The following TAAR5 variants were observed in gnomAD, a reference collection of about 807,000 sequenced individuals.
TAAR5 encodes the protein trace amine-associated receptor 5.
In TAAR5, 27 loss-of-function variants were observed where a neutral mutation model predicts 21.1. The ratio of observed to expected loss-of-function variants is 1.28; its 90% CI spans 0.94 to 1.76. The LOEUF (loss-of-function observed/expected upper bound fraction) is 1.76, where lower values mean the gene tolerates loss of function less well. Ranked by LOEUF, TAAR5 falls within the 40% of genes most tolerant of loss-of-function variation. The probability of loss-of-function intolerance (pLI) is 0.00; values close to 1 mark genes in which losing one functional copy is unlikely to be tolerated. For missense variants in TAAR5, 495 were observed against 405.6 expected (o/e 1.22, Z -1.89); for synonymous variants, 203 against 167.5 (o/e 1.21, Z -1.64).
At chr6:132,609,941 T>C in the TAAR5 span, among the ~76,000 whole-genome samples, 1 of 151,840 alleles carries the variant, frequency 6.6e-6, no homozygotes, top group Admixed American at 6.6e-5. Flanking sequence ...TCTCTTCCTG[T>C]CCTTCCCTCT....
chr6:132,608,241 T>C, the TAAR5 span: 1 of 413,448 alleles, frequency 2.4e-6, no homozygotes, highest in East Asian at 7.0e-5. Flanking sequence ...TTGCAACAGC[T>C]TTTTATTAAT....
At chr6:132,601,383 CCAGAATGCAGATAGCTAGAGGA>C in the TAAR5 span, among the ~76,000 whole-genome samples, 1 of 152,180 alleles carries the variant, frequency 6.6e-6, no homozygotes, top group Non-Finnish European at 1.5e-5. Context: ...TTTTCTCCCA[CCAGAATGCAGATAGCTAGAGGA>C]CAGGGTTTAA....
At chr6:132,609,170 G>A in the TAAR5 span, 4 of 372,154 alleles carry the variant, frequency 1.1e-5, no homozygotes, top group South Asian at 2.0e-5. Context: ...AGTCATAACC[G>A]AATACATTAT....
At chr6:132,608,908 G>A in the TAAR5 span, 1 of 455,972 alleles carries the variant, frequency 2.2e-6, no homozygotes, top group Non-Finnish European at 4.4e-6. Flanking sequence ...AATAGCAATG[G>A]AACAGAGGTG....
At chr6:132,603,488 T>TTC in the TAAR5 span, among the ~76,000 whole-genome samples, 3 of 121,934 alleles carry the variant, frequency 2.5e-5, no homozygotes, top group African/African-American at 7.2e-5. Context: ...TTAGCACATT[T>TTC]TCTCTCAAAA....
At position 132,589,385 on chromosome 6, in the gene TAAR5, A is replaced by C; in HGVS notation, c.302T>G (p.Phe101Cys). ...CAGGCGGCAGAGGAAGTCCCCGAAG[A>C]ACCAGCAGCTCTCCACTGAGCGAAT... ...STIRSVESCW[F>C]FGDFLCRLHT... Residue 101 changes from phenylalanine to cysteine, a missense_variant, in exon 1 of 1, where the codon TTC (phenylalanine) becomes TGC (cysteine). Coordinates refer to ENST00000258034, the MANE Select transcript of TAAR5 (RefSeq NM_003967.3). 6.2e-7 allele frequency: 1 copy of C among 1,614,078 alleles called. No individual in the cohort carries two copies. Among genetic ancestry groups the C allele is most frequent in the South Asian group, 1.1e-5 (1 of 91,082 alleles).
upstream of TAAR5, among the ~76,000 whole-genome samples, chr6:132,593,297 C>G (rs902544107): frequency 6.6e-6 from 1 of 152,160 alleles, no homozygotes; most frequent in Non-Finnish European, 1.5e-5. Context: ...AACTGAGTGG[C>G]TATGGTCCCT....
chr6:132,616,077 G>GT, the TAAR5 span, among the ~76,000 whole-genome samples: 2 of 152,068 alleles, frequency 1.3e-5, no homozygotes, highest in African/African-American at 4.8e-5. Context: ...TTCAAGAGAA[G>GT]TTTTTTAACA....
At chr6:132,610,293 G>T in the TAAR5 span, among the ~76,000 whole-genome samples, 4 of 152,322 alleles carry the variant, frequency 2.6e-5, no homozygotes, top group East Asian at 7.7e-4. Context: ...AAAGCACAGA[G>T]TCTGCTTAGT....
At chr6:132,595,924 T>G in the TAAR5 span, among the ~76,000 whole-genome samples, 1 of 152,230 alleles carries the variant, frequency 6.6e-6, no homozygotes, top group East Asian at 1.9e-4. Flanking sequence ...ACTTTATGTG[T>G]GAGCATTTGC....
At chr6:132,606,994 A>G in the TAAR5 span, among the ~76,000 whole-genome samples, 1 of 152,076 alleles carries the variant, frequency 6.6e-6, no homozygotes, top group African/African-American at 2.4e-5. Context: ...CTATGAGTTC[A>G]AGACCAGCCT....
At chr6:132,615,891 C>T in the TAAR5 span, among the ~76,000 whole-genome samples, 1 of 151,588 alleles carries the variant, frequency 6.6e-6, no homozygotes, top group South Asian at 2.1e-4. Flanking sequence ...CACACACACA[C>T]ACACACACAC....
chr6:132,607,515 C>T, the TAAR5 span, among the ~76,000 whole-genome samples: 3 of 152,232 alleles, frequency 2.0e-5, no homozygotes, highest in Non-Finnish European at 2.9e-5. Context: ...GTGGTTGAAA[C>T]AAGCACAAGG....
At chr6:132,615,893 C>CAT in the TAAR5 span, among the ~76,000 whole-genome samples, 1 of 151,570 alleles carries the variant, frequency 6.6e-6, no homozygotes, top group Admixed American at 6.6e-5. Flanking sequence ...CACACACACA[C>CAT]ACACACACAC....
At chr6:132,600,037 G>A in the TAAR5 span, among the ~76,000 whole-genome samples, 2 of 152,056 alleles carry the variant, frequency 1.3e-5, no homozygotes, top group Non-Finnish European at 2.9e-5. Flanking sequence ...GTAACTGTAG[G>A]AGGCATCTAC....
At chr6:132,604,842 G>T in the TAAR5 span, among the ~76,000 whole-genome samples, 1 of 152,132 alleles carries the variant, frequency 6.6e-6, no homozygotes, top group Non-Finnish European at 1.5e-5. Context: ...AAGGAAACCA[G>T]GAAAAAGCAG....
At chr6:132,593,400 C>T (rs1776933685), upstream of TAAR5, among the ~76,000 whole-genome samples, 1 of 152,118 alleles carries the variant, frequency 6.6e-6, no homozygotes, top group African/African-American at 2.4e-5. Context: ...AGTAGGTGCT[C>T]AATAAATGTT....
At chr6:132,608,597 C>T in the TAAR5 span, 1 of 455,904 alleles carries the variant, frequency 2.2e-6, no homozygotes, top group Admixed American at 2.4e-5. Flanking sequence ...ATGACTCGAG[C>T]ATGCTGTTTG....
chr6:132,601,235 T>A, the TAAR5 span, among the ~76,000 whole-genome samples: 2 of 152,174 alleles, frequency 1.3e-5, no homozygotes, highest in East Asian at 3.8e-4. Flanking sequence ...CTTGAATTTT[T>A]AATAGAATTT....
Sources: allele counts gnomAD v4.1 joint callset (sites outside exome capture counted in the v4.1 genomes callset), GRCh38; gene constraint gnomAD v4.1.1; transcripts MANE v1.5; gene names NCBI Gene and HGNC (gene_info 2026-07-23, HGNC 2026-07-21).